The following PCP4L1 variants were observed in gnomAD, a reference collection of about 807,000 sequenced individuals.
The protein encoded by PCP4L1 is Purkinje cell protein 4 like 1.
A neutral mutation model predicts 9.6 loss-of-function variants in PCP4L1; 9 were observed. That is an observed-to-expected ratio of 0.94 (90% CI 0.57 to 1.64). The LOEUF (loss-of-function observed/expected upper bound fraction) is 1.64. PCP4L1 is among the 40% of genes most tolerant of loss of function. The pLI, the probability that PCP4L1 is intolerant of heterozygous loss-of-function variation, is 0.00. For missense variants in PCP4L1, 81 were observed against 80.8 expected (o/e 1.00, Z -0.01); for synonymous variants, 31 against 28.2 (o/e 1.10, Z -0.31).
At chr1:161,261,174 C>A (rs940885297) in intron 1 of PCP4L1, among the ~76,000 whole-genome samples, 7 of 152,168 alleles carry the variant, frequency 4.6e-5, no homozygotes, top group African/African-American at 1.7e-4. Context: ...TAAGTTTCAC[C>A]TCCCCCAACT....
At chr1:161,282,166 C>T (rs2102243291) in intron 1 of PCP4L1, among the ~76,000 whole-genome samples, 1 of 152,270 alleles carries the variant, frequency 6.6e-6, no homozygotes, top group South Asian at 2.1e-4. Flanking sequence ...TGGCGGATCA[C>T]TCGCGGTTAG....
chr1:161,278,627 T>G (rs1231292548), intron 1 of PCP4L1, among the ~76,000 whole-genome samples: 3 of 152,032 alleles, frequency 2.0e-5, no homozygotes, highest in African/African-American at 4.8e-5. Context: ...ACAGACCATG[T>G]TTTCCTCTGC....
At position 161,258,745 on chromosome 1, in the gene PCP4L1, G is replaced by C. The variant is rs1669361961; in HGVS notation, c.-230G>C. ...AAGGTGGGGCCGGAGGCGGCGAGCT[G>C]AGCGGCTCTGACAGGACGGGTCGCA... On this transcript the variant is annotated 5_prime_UTR_variant, in exon 1 of 3. Transcript: ENST00000504449. 3.2e-6 allele frequency: 2 copies of C among 629,576 alleles called. No homozygotes were observed. The highest frequency in any genetic ancestry group is 2.9e-5 in the East Asian group (1 of 34,186). 39.0% of individuals were successfully genotyped at this position (629,576 alleles called of 1,614,324 possible).
chr1:161,279,870 G>T (rs956415565), intron 1 of PCP4L1, among the ~76,000 whole-genome samples: 1 of 152,084 alleles, frequency 6.6e-6, no homozygotes, highest in African/African-American at 2.4e-5. Context: ...ATCTTGCTAT[G>T]TCTTGCCAGG....
chr1:161,263,899 CTTTTTTTTTTTTTTTTT>C (rs1160429112), intron 1 of PCP4L1, among the ~76,000 whole-genome samples: 1 of 70,768 alleles, frequency 1.4e-5, no homozygotes, highest in Non-Finnish European at 2.6e-5. Context: ...ACTTTCTTTC[CTTTTTTTTTTTTTTTTT>C]TTTTTTTTTT....
intron 1 of PCP4L1, among the ~76,000 whole-genome samples, chr1:161,263,899 CTTTTTTTTTTTTT>C (rs1160429112): frequency 9.9e-5 from 7 of 70,768 alleles, no homozygotes; most frequent in Admixed American, 6.7e-4. Flanking sequence ...ACTTTCTTTC[CTTTTTTTTTTTTT>C]TTTTTTTTTT....
At chr1:161,277,162 T>C (rs986260773) in intron 1 of PCP4L1, among the ~76,000 whole-genome samples, 4 of 152,212 alleles carry the variant, frequency 2.6e-5, no homozygotes, top group Non-Finnish European at 4.4e-5. Flanking sequence ...TAAAAATCAG[T>C]GGTGTCTCTA....
At chr1:161,280,724 C>G (rs948724516) in intron 1 of PCP4L1, among the ~76,000 whole-genome samples, 1 of 152,212 alleles carries the variant, frequency 6.6e-6, no homozygotes, top group African/African-American at 2.4e-5. Flanking sequence ...ATTCTCTACT[C>G]CCTGAAATAT....
chr1:161,261,073 T>C (rs1669408466), intron 1 of PCP4L1, among the ~76,000 whole-genome samples: 1 of 152,144 alleles, frequency 6.6e-6, no homozygotes, highest in African/African-American at 2.4e-5. Flanking sequence ...GACTCCAAAC[T>C]GCTTCATTTC....
At chr1:161,268,944 A>G (rs1333632042) in intron 1 of PCP4L1, among the ~76,000 whole-genome samples, 1 of 152,232 alleles carries the variant, frequency 6.6e-6, no homozygotes, top group African/African-American at 2.4e-5. Context: ...CACAGCTAGG[A>G]ATGACAGAGC....
In PCP4L1 at chr1:161,258,810, G is replaced by A. The variant is rs531499756; in HGVS notation, c.-165G>A. 1.8e-6 allele frequency: 2 copies of A among 1,097,800 alleles called. No individual in the cohort carries two copies. The highest frequency in any genetic ancestry group is 2.6e-6 in the Non-Finnish European group (2 of 758,940). The allele number at this position is 1,097,800 out of a possible 1,614,324, so 68.0% of individuals were successfully genotyped here. A position where few individuals can be genotyped will look rare whatever the true frequency, so the allele number is the denominator to read the frequency against. The stretch of plus-strand genomic sequence containing the variant: ...CGGAGCTGGGCTCCGAGAATCCCGG[G>A]TGCCAGCACCAGAGCAGCGGCTCTC... On this transcript the variant is annotated 5_prime_UTR_variant, in exon 1 of 3. It adds an upstream start codon to the 5' untranslated region. Transcript: ENST00000504449.
chr1:161,262,453 AAAAG>A (rs1558141213), intron 1 of PCP4L1, among the ~76,000 whole-genome samples: 2 of 148,656 alleles, frequency 1.3e-5, no homozygotes, highest in African/African-American at 5.2e-5. Context: ...AAAAAAAAAA[AAAAG>A]AAATGCCTTC....
At chr1:161,266,502 G>T (rs1446641930) in intron 1 of PCP4L1, among the ~76,000 whole-genome samples, 1 of 152,164 alleles carries the variant, frequency 6.6e-6, no homozygotes, top group Non-Finnish European at 1.5e-5. Flanking sequence ...TGGGGCTGTT[G>T]ACTCACTGCA....
intron 1 of PCP4L1, among the ~76,000 whole-genome samples, chr1:161,266,664 G>T (rs915652701): frequency 9.9e-5 from 15 of 152,158 alleles, no homozygotes; most frequent in African/African-American, 3.6e-4. Context: ...GTCTCAGGAT[G>T]CATCTGAGAT....
chr1:161,276,269 CTAAGTCTCA>C (rs1212771707), intron 1 of PCP4L1, among the ~76,000 whole-genome samples: 3 of 152,126 alleles, frequency 2.0e-5, no homozygotes. Flanking sequence ...GGTCAGTCTC[CTAAGTCTCA>C]GGAACAGTCC....
chr1:161,273,417 C>A (rs1013023421), intron 1 of PCP4L1, among the ~76,000 whole-genome samples: 6 of 151,592 alleles, frequency 4.0e-5, no homozygotes, highest in Admixed American at 6.6e-5. Flanking sequence ...TGAGTGAGAA[C>A]CTGTTTCAAA....
chr1:161,278,468 T>C (rs1044182340), intron 1 of PCP4L1, among the ~76,000 whole-genome samples: 2 of 151,950 alleles, frequency 1.3e-5, no homozygotes, highest in South Asian at 4.2e-4. Flanking sequence ...GGGGTCTCGC[T>C]ATGTTGCCTG....
intron 1 of PCP4L1, among the ~76,000 whole-genome samples, chr1:161,261,153 T>A (rs1669410940): frequency 6.6e-6 from 1 of 152,186 alleles, no homozygotes; most frequent in African/African-American, 2.4e-5. Context: ...CTGTGTACCT[T>A]GAATCTTACG....
chr1:161,261,503 T>C (rs1312353952), intron 1 of PCP4L1, among the ~76,000 whole-genome samples: 1 of 152,224 alleles, frequency 6.6e-6, no homozygotes, highest in Non-Finnish European at 1.5e-5. Flanking sequence ...TTGCTGTGGA[T>C]CACACTCTAT....
Sources: gnomAD v4.1 joint callset for allele counts (sites outside exome capture counted in the v4.1 genomes callset) on GRCh38, gnomAD v4.1.1 for gene constraint, MANE v1.5 for transcripts, NCBI Gene and HGNC (gene_info 2026-07-23, HGNC 2026-07-21) for gene names.